The following MOSPD1 variants were observed in gnomAD, a reference collection of about 807,000 sequenced individuals.
MOSPD1 encodes the protein motile sperm domain-containing protein 1.
Under a neutral mutation model 16.7 loss-of-function variants are expected in MOSPD1, and 5 were observed. The ratio of observed to expected loss-of-function variants is 0.30; its 90% CI spans 0.16 to 0.63. The LOEUF (loss-of-function observed/expected upper bound fraction) is 0.63, where lower values mean the gene tolerates loss of function less well. Ranked by LOEUF, MOSPD1 falls within the 30% of genes least tolerant of loss-of-function variation. The probability of loss-of-function intolerance (pLI) is 0.82; values close to 1 mark genes in which losing one functional copy is unlikely to be tolerated. For missense variants in MOSPD1, 104 were observed against 153.6 expected, an observed-to-expected ratio of 0.68 and a Z score of 1.71; for synonymous variants, 67 against 59.2, an observed-to-expected ratio of 1.13 and a Z score of -0.61.
chrX:134,889,843 G>A (rs1029259568), intron 5 of MOSPD1, among the ~76,000 whole-genome samples: 17 of 111,060 alleles, frequency 1.5e-4, no homozygotes, highest in African/African-American at 5.6e-4. Context: ...GGCCGGGGCA[G>A]GTGGATCACA....
intron 1 of MOSPD1, among the ~76,000 whole-genome samples, chrX:134,911,552 T>C (rs976367775): frequency 8.9e-6 from 1 of 112,561 alleles, no homozygotes; most frequent in Non-Finnish European, 1.9e-5. Flanking sequence ...TGTTTCCATA[T>C]AGTCAATAGC....
At chrX:134,911,617 G>A (rs1225216460) in intron 1 of MOSPD1, among the ~76,000 whole-genome samples, 1 of 112,280 alleles carries the variant, frequency 8.9e-6, no homozygotes, top group Non-Finnish European at 1.9e-5. Context: ...AGTTCTCACT[G>A]AGAGTTAGCA....
At chrX:134,905,996 T>C (rs2082939197) in intron 1 of MOSPD1, among the ~76,000 whole-genome samples, 2 of 111,525 alleles carry the variant, frequency 1.8e-5, no homozygotes, top group South Asian at 3.7e-4. Flanking sequence ...CTTTGAATAA[T>C]GGCATAGTAG....
chrX:134,909,783 T>C (rs1159823036), intron 1 of MOSPD1, among the ~76,000 whole-genome samples: 2 of 112,113 alleles, frequency 1.8e-5, no homozygotes, highest in Non-Finnish European at 3.8e-5. Context: ...TTATATATTT[T>C]CTAGATTTTT....
At chrX:134,892,807 G>A (rs746479598) in intron 4 of MOSPD1, among the ~76,000 whole-genome samples, 3 of 110,776 alleles carry the variant, frequency 2.7e-5, no homozygotes, top group Non-Finnish European at 3.8e-5. Context: ...GAGAAGAATC[G>A]CTTGAACTCG....
chrX:134,909,531 T>C (rs1343721084), intron 1 of MOSPD1, among the ~76,000 whole-genome samples: 1 of 111,723 alleles, frequency 9.0e-6, no homozygotes, highest in African/African-American at 3.3e-5. Flanking sequence ...CTCTGTGCAA[T>C]CCTTGCCAAT....
At chrX:134,902,810 ATAAAACAGAAC>A (rs1440236109) in intron 1 of MOSPD1, among the ~76,000 whole-genome samples, 3 of 107,229 alleles carry the variant, frequency 2.8e-5, no homozygotes, top group Non-Finnish European at 5.8e-5. Context: ...AGAAGATAAA[ATAAAACAGAAC>A]TAAGATTACC....
chrX:134,897,862 C>T (rs1412613521), intron 3 of MOSPD1, among the ~76,000 whole-genome samples: 1 of 111,091 alleles, frequency 9.0e-6, no homozygotes, highest in African/African-American at 3.3e-5. Context: ...GAGTATACAG[C>T]ACTGTAATTT....
intron 1 of MOSPD1, among the ~76,000 whole-genome samples, chrX:134,912,952 A>T (rs12394963): frequency 9.5e-6 from 1 of 105,313 alleles, no homozygotes; most frequent in Non-Finnish European, 2.0e-5. Flanking sequence ...AAAAAAAAAA[A>T]TTTTGGCCAG....
intron 4 of MOSPD1, among the ~76,000 whole-genome samples, chrX:134,892,773 TC>T (rs1425329527): frequency 1.3e-4 from 14 of 110,571 alleles, no homozygotes; most frequent in Non-Finnish European, 2.6e-4. Context: ...GCACCTGTAG[TC>T]CCAGCTACTC....
chrX:134,909,618 T>A (rs1363669683), intron 1 of MOSPD1, among the ~76,000 whole-genome samples: 1 of 112,234 alleles, frequency 8.9e-6, no homozygotes, highest in Non-Finnish European at 1.9e-5. Flanking sequence ...CCTCCTTCCC[T>A]CCCACTTCAT....
Position 134,891,621 on chromosome X carries a change from T to C in MOSPD1, c.468A>G (p.Ser156=), listed in dbSNP as rs780114974. The change falls in exon 5 of 6, where the codon TCA becomes TCG. Residue 156 remains serine, a synonymous_variant. Coordinates refer to ENST00000370783, the MANE Select transcript of MOSPD1 (RefSeq NM_019556.3). ...GGAAGACAGTTAGTAAACTAGGTCCTGAGGATACAGCTCTGTTTTCTGTAA... is the reference window on the plus strand; with the variant it reads ...GGAAGACAGTTAGTAAACTAGGTCCCGAGGATACAGCTCTGTTTTCTGTAA... ...SFQPENRAVS[S]GPSLLTVFLG... 2 of 1,210,718 alleles carry C rather than the reference T, an allele frequency of 1.7e-6. No homozygotes were observed. The highest frequency in any genetic ancestry group is 1.1e-6 in the Non-Finnish European group (1 of 895,187).
Position 134,899,502 on chromosome X carries a change from A to G in MOSPD1, c.-69T>C, listed in dbSNP as rs1263085945. On this transcript the variant is annotated 5_prime_UTR_variant, in exon 2 of 6. Transcript: ENST00000370783. Reference sequence around the variant, plus strand: ...CAAATCTATTTTGGACTTTTCTTAGATTCAGTTAAAAACTCCAAAGCATTT... The same window carrying G: ...CAAATCTATTTTGGACTTTTCTTAGGTTCAGTTAAAAACTCCAAAGCATTT... 1 of 1,028,921 alleles carries G rather than the reference A, an allele frequency of 9.7e-7. No individual in the cohort carries two copies. The highest frequency in any genetic ancestry group is 1.3e-6 in the Non-Finnish European group (1 of 782,864). 84.8% of individuals were successfully genotyped at this position (1,028,921 alleles called of 1,213,427 possible).
At chrX:134,912,658 G>A (rs1351229693) in intron 1 of MOSPD1, among the ~76,000 whole-genome samples, 1 of 109,596 alleles carries the variant, frequency 9.1e-6, no homozygotes, top group African/African-American at 3.3e-5. Flanking sequence ...AAAAAAAACT[G>A]GCCAGGCGCA....
chrX:134,903,002 T>C (rs1298042341), intron 1 of MOSPD1, among the ~76,000 whole-genome samples: 1 of 106,282 alleles, frequency 9.4e-6, no homozygotes, highest in East Asian at 2.8e-4. Context: ...TGTGTTCTCT[T>C]TTTTTTTTTT....
Position 134,891,508 on chromosome X carries a change from T to A in MOSPD1, c.581A>T (p.Asn194Ile). The A allele has an allele frequency of 8.3e-7, 1 of 1,211,209 alleles. No individual in the cohort carries two copies. Among genetic ancestry groups the A allele is most frequent in the Admixed American group, 2.2e-5 (1 of 45,890 alleles). The change falls in exon 5 of 6, where the codon AAT becomes ATT. Residue 194 changes from asparagine (N) to isoleucine (I), a missense_variant. Physicochemically the swap from Asn to Ile is moderately radical, Grantham distance 149. This residue lies in a region of MOSPD1 where 15 missense variants were observed against 27.9 expected (regional missense o/e 0.54). Transcript: ENST00000370783. ...GATATAAGCAGCCACTAATTTTTGATTCACACTTAAGTGGAGGTAGAGAGG... is the reference window on the plus strand; with the variant it reads ...GATATAAGCAGCCACTAATTTTTGAATCACACTTAAGTGGAGGTAGAGAGG... ...LVPLYLHLSVNQKLVAAYILG... is the reference protein window; with the variant it reads ...LVPLYLHLSVIQKLVAAYILG...
chrX:134,896,682 G>A, intron 4 of MOSPD1, 135 bp downstream of exon 4: 1 of 488,967 alleles, frequency 2.0e-6, no homozygotes, highest in East Asian at 3.7e-5. Flanking sequence ...TGATTCTCTA[G>A]GTGCAGTTTT....
intron 3 of MOSPD1, among the ~76,000 whole-genome samples, chrX:134,898,755 A>C (rs766821087): frequency 8.9e-6 from 1 of 111,998 alleles, no homozygotes; most frequent in South Asian, 3.7e-4. Context: ...GTATGTTCCA[A>C]GGAAAGCTAA....
At chrX:134,910,505 T>C (rs2082965459) in intron 1 of MOSPD1, among the ~76,000 whole-genome samples, 1 of 111,779 alleles carries the variant, frequency 8.9e-6, no homozygotes. Flanking sequence ...TGAAAATATT[T>C]TGTCAGCCTT....
Sources: gnomAD v4.1 joint callset for allele counts (sites outside exome capture counted in the v4.1 genomes callset) on GRCh38, gnomAD v4.1.1 for gene constraint, gnomAD v4.1.1 regional missense constraint, MANE v1.5 for transcripts, NCBI Gene and HGNC (gene_info 2026-07-23, HGNC 2026-07-21) for gene names.